Variants in LARGE1 observed in about 807,000 individuals in gnomAD.
LARGE1 encodes LARGE xylosyl- and glucuronyltransferase 1, also known as xylosyl- and glucuronyltransferase LARGE1.
In LARGE1, 43 loss-of-function variants were observed where a neutral mutation model predicts 87.6. The ratio of observed to expected loss-of-function variants is 0.49; its 90% CI spans 0.38 to 0.63. The LOEUF (loss-of-function observed/expected upper bound fraction) is 0.63, where lower values mean the gene tolerates loss of function less well. LARGE1 is among the 30% of genes least tolerant of loss of function. The probability of loss-of-function intolerance (pLI) is 0.00; values close to 1 mark genes in which losing one functional copy is unlikely to be tolerated. For synonymous variants in LARGE1, 434 were observed against 394.6 expected, an observed-to-expected ratio of 1.10 and a Z score of -1.18; for missense variants, 802 against 1,000.2, an observed-to-expected ratio of 0.80 and a Z score of 2.67.
intron 2 of LARGE1, among the ~76,000 whole-genome samples, chr22:33,671,883 G>C (rs372064996): frequency 1.6e-4 from 24 of 152,046 alleles, no homozygotes; most frequent in African/African-American, 5.8e-4. Context: ...GGCCATTCTT[G>C]TCTGTATGTG....
intron 4 of LARGE1, among the ~76,000 whole-genome samples, chr22:33,623,451 T>C (rs1001655777): frequency 6.6e-6 from 1 of 152,158 alleles, no homozygotes. Context: ...TGGACAGCGC[T>C]ATGAGGAAGA....
At chr22:33,134,281 CAG>C in the LARGE1 span, among the ~76,000 whole-genome samples, 2 of 122,822 alleles carry the variant, frequency 1.6e-5, no homozygotes, top group South Asian at 2.6e-4. Context: ...TTTTTTGAGA[CAG>C]AGTCTTGCTC....
intron 5 of LARGE1, among the ~76,000 whole-genome samples, chr22:33,602,343 C>T (rs941844325): frequency 6.6e-6 from 1 of 152,018 alleles, no homozygotes; most frequent in Middle Eastern, 3.4e-3. Context: ...ATCATTTAGC[C>T]ATGATCTTAC....
At chr22:33,353,222 C>T (rs577198143) in intron 9 of LARGE1, among the ~76,000 whole-genome samples, 1 of 152,286 alleles carries the variant, frequency 6.6e-6, no homozygotes, top group Admixed American at 6.5e-5. Flanking sequence ...TCAGAATATG[C>T]AGATGAAGTC....
intron 1 of LARGE1, among the ~76,000 whole-genome samples, chr22:33,917,800 T>C (rs1425154791): frequency 1.3e-5 from 2 of 152,128 alleles, no homozygotes; most frequent in East Asian, 3.8e-4. Flanking sequence ...GCACTCAGAA[T>C]CCACTCACTA....
At chr22:33,283,499 G>A in intron 12 of LARGE1, 151 bp from the exon 13 acceptor site, 2 of 831,696 alleles carry the variant, frequency 2.4e-6, no homozygotes, top group Admixed American at 2.0e-5. Flanking sequence ...AACTGGGCCA[G>A]GTGCGATGGC....
the LARGE1 span, among the ~76,000 whole-genome samples, chr22:33,075,429 C>T: frequency 6.6e-6 from 1 of 152,222 alleles, no homozygotes. Context: ...ACCTGGGCCT[C>T]ATTTCCTCTG....
Position 33,316,267 on chromosome 22 carries a change from G to A in LARGE1, c.1288-19C>T. 6.2e-7 allele frequency: 1 copy of A among 1,612,140 alleles called. No individual in the cohort carries two copies. Among genetic ancestry groups the A allele is most frequent in the South Asian group, 1.1e-5 (1 of 90,966 alleles). ...TCTGGAGCTGCAGGGTAGGAGAGAG[G>A]GCTTGGGCACGTGAAGAAGAGGTCC... On this transcript the variant is annotated intron_variant, in intron 10 of 14. Coordinates refer to ENST00000397394, the MANE Select transcript of LARGE1 (RefSeq NM_133642.5).
At chr22:33,270,850 A>G (rs550981844), downstream of LARGE1, among the ~76,000 whole-genome samples, 1 of 152,306 alleles carries the variant, frequency 6.6e-6, no homozygotes, top group Non-Finnish European at 1.5e-5. Context: ...AACTCAGCAA[A>G]TATGTGCTCT....
At chr22:33,820,289 T>C (rs1430702717) in intron 1 of LARGE1, among the ~76,000 whole-genome samples, 1 of 152,188 alleles carries the variant, frequency 6.6e-6, no homozygotes, top group African/African-American at 2.4e-5. Context: ...TTTTCTCCCA[T>C]AGCATATTGC....
chr22:33,409,182 A>T (rs377149377), intron 7 of LARGE1, among the ~76,000 whole-genome samples: 10 of 152,284 alleles, frequency 6.6e-5, no homozygotes, highest in Admixed American at 4.6e-4. Context: ...GCTGTGGTGA[A>T]ATGTCAAATA....
intron 6 of LARGE1, among the ~76,000 whole-genome samples, chr22:33,501,107 G>A (rs777495578): frequency 1.1e-4 from 16 of 152,162 alleles, no homozygotes; most frequent in Non-Finnish European, 1.5e-4. Context: ...CTTCAAAGAA[G>A]CTCCAGGGCT....
chr22:33,272,499 T>C (rs747011150), downstream of LARGE1, among the ~76,000 whole-genome samples: 2 of 152,262 alleles, frequency 1.3e-5, no homozygotes, highest in Non-Finnish European at 2.9e-5. Flanking sequence ...AATTGGACTT[T>C]GACATGTACT....
At chr22:33,518,303 C>T (rs574143077) in intron 6 of LARGE1, among the ~76,000 whole-genome samples, 1 of 152,204 alleles carries the variant, frequency 6.6e-6, no homozygotes, top group Non-Finnish European at 1.5e-5. Flanking sequence ...AGGTCACACG[C>T]CAGCAAATGG....
At chr22:33,706,537 G>A (rs2082568314) in intron 2 of LARGE1, among the ~76,000 whole-genome samples, 1 of 152,200 alleles carries the variant, frequency 6.6e-6, no homozygotes, top group Non-Finnish European at 1.5e-5. Context: ...GTCAGTCTTG[G>A]TCACAGGACA....
chr22:33,228,570 AG>A (rs781372673), intron 11 of LARGE1, among the ~76,000 whole-genome samples: 1 of 152,276 alleles, frequency 6.6e-6, no homozygotes, highest in Admixed American at 6.5e-5. Context: ...GGACTTCCTT[AG>A]TACCATAAAT....
At chr22:33,748,627 G>A (rs905412301) in intron 2 of LARGE1, among the ~76,000 whole-genome samples, 10 of 152,196 alleles carry the variant, frequency 6.6e-5, no homozygotes, top group Non-Finnish European at 1.3e-4. Flanking sequence ...TGGACACACA[G>A]CATTTAAAAG....
At chr22:33,882,145 C>T (rs2064713478) in intron 1 of LARGE1, among the ~76,000 whole-genome samples, 1 of 151,514 alleles carries the variant, frequency 6.6e-6, no homozygotes, top group Non-Finnish European at 1.5e-5. Context: ...CGGGTTCACA[C>T]CATTCTCCTG....
intron 6 of LARGE1, among the ~76,000 whole-genome samples, chr22:33,526,138 C>T (rs891977798): frequency 1.3e-4 from 20 of 152,058 alleles, no homozygotes; most frequent in Non-Finnish European, 2.6e-4. Context: ...ACAATATGGA[C>T]TAACCTTGAA....
Sources: allele counts gnomAD v4.1 joint callset (sites outside exome capture counted in the v4.1 genomes callset), GRCh38; gene constraint gnomAD v4.1.1; transcripts MANE v1.5; gene names NCBI Gene and HGNC (gene_info 2026-07-23, HGNC 2026-07-21).